The following SDK1 variants were observed in gnomAD, a reference collection of about 807,000 sequenced individuals.
The protein encoded by SDK1 is sidekick cell adhesion molecule 1.
In SDK1, 157 loss-of-function variants were observed where a neutral mutation model predicts 245.5. The ratio of observed to expected loss-of-function variants is 0.64; its 90% CI spans 0.56 to 0.73. The LOEUF (loss-of-function observed/expected upper bound fraction) is 0.73. SDK1 is among the 30% of genes least tolerant of loss of function. The probability of loss-of-function intolerance (pLI) is 0.00; values close to 1 mark genes in which losing one functional copy is unlikely to be tolerated. For synonymous variants in SDK1, 1,647 were observed against 1,278.5 expected (o/e 1.29, Z -6.15); for missense variants, 3,583 against 3,002.3 (o/e 1.19, Z -4.52).
chr7:3,324,029 T>C (rs891605721), intron 1 of SDK1, among the ~76,000 whole-genome samples: 61 of 152,216 alleles, frequency 4.0e-4, no homozygotes, highest in African/African-American at 1.4e-3. Flanking sequence ...ATCTATTTCA[T>C]GTAGAAGTAA....
At chr7:3,570,652 A>T (rs1780085630) in intron 1 of SDK1, among the ~76,000 whole-genome samples, 1 of 152,188 alleles carries the variant, frequency 6.6e-6, no homozygotes, top group South Asian at 2.1e-4. Context: ...TAACAACATG[A>T]TCATTAACTT....
intron 44 of SDK1, among the ~76,000 whole-genome samples, chr7:4,263,238 G>T (rs1199579923): frequency 7.7e-5 from 10 of 130,586 alleles, no homozygotes; most frequent in Non-Finnish European, 1.6e-5. Flanking sequence ...TTTTGTTTTG[G>T]TCTGTAGCAG....
At chr7:3,939,519 A>G (rs1202255974) in intron 5 of SDK1, among the ~76,000 whole-genome samples, 1 of 152,140 alleles carries the variant, frequency 6.6e-6, no homozygotes, top group Admixed American at 6.6e-5. Context: ...TTTCCACAAT[A>G]AAGTGCATCT....
intron 1 of SDK1, among the ~76,000 whole-genome samples, chr7:3,599,791 A>G (rs142364192): frequency 2.1e-4 from 32 of 152,258 alleles, no homozygotes; most frequent in African/African-American, 7.0e-4. Context: ...CCAGCTCTCT[A>G]TTTTATGTCT....
At chr7:4,088,639 T>A (rs372808346) in intron 22 of SDK1, among the ~76,000 whole-genome samples, 1 of 152,174 alleles carries the variant, frequency 6.6e-6, no homozygotes, top group Non-Finnish European at 1.5e-5. Context: ...TTTTTCTGAT[T>A]TCATCTGTTG....
At chr7:4,220,713 G>A (rs893615037) in intron 39 of SDK1, among the ~76,000 whole-genome samples, 9 of 152,050 alleles carry the variant, frequency 5.9e-5, no homozygotes, top group Non-Finnish European at 1.2e-4. Flanking sequence ...GCTTAGTCCC[G>A]GGCACAGTGT....
At chr7:3,361,373 A>C (rs1052561855) in intron 1 of SDK1, among the ~76,000 whole-genome samples, 1 of 152,184 alleles carries the variant, frequency 6.6e-6, no homozygotes, top group Non-Finnish European at 1.5e-5. Context: ...TTGTTCTTCT[A>C]TTCCACTTTC....
At chr7:3,463,109 T>C (rs1037057085) in intron 1 of SDK1, among the ~76,000 whole-genome samples, 2 of 152,162 alleles carry the variant, frequency 1.3e-5, no homozygotes, top group Non-Finnish European at 2.9e-5. Flanking sequence ...TCTAACTCTA[T>C]CCTGTGCTTT....
At chr7:3,968,332 A>G (rs1186583744) in intron 10 of SDK1, among the ~76,000 whole-genome samples, 1 of 152,202 alleles carries the variant, frequency 6.6e-6, no homozygotes, top group African/African-American at 2.4e-5. Context: ...TCCATCCTGA[A>G]CAAGTCTGTG....
At chr7:3,722,537 C>G (rs959481631) in intron 4 of SDK1, among the ~76,000 whole-genome samples, 2 of 152,160 alleles carry the variant, frequency 1.3e-5, no homozygotes, top group Admixed American at 6.5e-5. Flanking sequence ...AATCCTGTAT[C>G]TATGTCCCTG....
rs531423115 is a variant in SDK1 at position 3,664,715 on chromosome 7, G to A, written c.713+22610G>A. On this transcript the variant is annotated intron_variant, in intron 4 of 44. Coordinates refer to ENST00000404826, the MANE Select transcript of SDK1 (RefSeq NM_152744.4). ...AGATTGTGCCACTGCACTCCAGCCTGGGCAACAGAGCGAGACTCTGTCTCA... is the reference window on the plus strand; with the variant it reads ...AGATTGTGCCACTGCACTCCAGCCTAGGCAACAGAGCGAGACTCTGTCTCA... Among the ~76,000 whole-genome samples, 16 of 149,130 alleles carry A rather than the reference G, an allele frequency of 1.1e-4. 1 individual carries two copies. Among genetic ancestry groups the A allele is most frequent in the South Asian group, 4.3e-4 (2 of 4,606 alleles).
intron 1 of SDK1, among the ~76,000 whole-genome samples, chr7:3,441,430 G>A (rs1326946806): frequency 6.6e-6 from 1 of 152,066 alleles, no homozygotes; most frequent in African/African-American, 2.4e-5. Flanking sequence ...CTTTTTGTGT[G>A]TGTACATGAA....
intron 4 of SDK1, among the ~76,000 whole-genome samples, chr7:3,752,582 A>G (rs1051128051): frequency 6.6e-6 from 1 of 152,188 alleles, no homozygotes; most frequent in South Asian, 2.1e-4. Flanking sequence ...ACATTTATAG[A>G]AATTATTTTT....
rs533038942 is a variant in SDK1 at position 3,499,470 on chromosome 7, T to C, written c.299-119610T>C. ...AGCTCCAAACTACCCAACTTCAGGT[T>C]AACAACATTGCCAGTGTCTTAGAAG... is the stretch of plus-strand genomic sequence containing the variant. On this transcript the variant is annotated intron_variant, in intron 1 of 44. Coordinates refer to ENST00000404826, the MANE Select transcript of SDK1 (RefSeq NM_152744.4). Among the ~76,000 whole-genome samples the C allele has an allele frequency of 5.9e-5, 9 of 152,338 alleles. 1 individual carries two copies. In the South Asian group the frequency reaches 1.9e-3, roughly 32 times the overall value.
intron 5 of SDK1, among the ~76,000 whole-genome samples, chr7:3,924,887 C>A (rs1453618937): frequency 6.6e-6 from 1 of 152,134 alleles, no homozygotes; most frequent in Non-Finnish European, 1.5e-5. Flanking sequence ...ACTCACTTGT[C>A]TGGTGCTTCA....
At chr7:4,004,823 G>A (rs763124747) in intron 14 of SDK1, among the ~76,000 whole-genome samples, 12 of 151,982 alleles carry the variant, frequency 7.9e-5, no homozygotes, top group Non-Finnish European at 1.5e-4. Flanking sequence ...TTCCCTAAGT[G>A]TCTAAAAAGA....
intron 17 of SDK1, among the ~76,000 whole-genome samples, chr7:4,045,456 G>C (rs1347861844): frequency 6.6e-6 from 1 of 151,856 alleles, no homozygotes; most frequent in Non-Finnish European, 1.5e-5. Flanking sequence ...GTGTTACCCA[G>C]ACTGGTTTCA....
At chr7:4,145,622 C>A in intron 28 of SDK1, 100 bp from the exon 29 acceptor site, 3 of 1,021,994 alleles carry the variant, frequency 2.9e-6, no homozygotes, top group African/African-American at 1.6e-5. Context: ...GGGGAAGAGA[C>A]AGATGGCCTT....
intron 1 of SDK1, among the ~76,000 whole-genome samples, chr7:3,480,383 CCG>C (rs1781478566): frequency 6.6e-6 from 1 of 151,852 alleles, no homozygotes; most frequent in East Asian, 1.9e-4. Flanking sequence ...GGAAGAACTT[CCG>C]TGTTCCGGAT....
Sources: gnomAD v4.1 joint callset for allele counts (sites outside exome capture counted in the v4.1 genomes callset) on GRCh38, gnomAD v4.1.1 for gene constraint, MANE v1.5 for transcripts, NCBI Gene and HGNC (gene_info 2026-07-23, HGNC 2026-07-21) for gene names.